Variants in ATP6V1E2 observed in about 807,000 individuals in gnomAD.
The protein encoded by ATP6V1E2 is V-type proton ATPase subunit E 2.
For synonymous variants in ATP6V1E2, 121 were observed against 104.2 expected (o/e 1.16, Z -0.98); for missense variants, 308 against 273.3 (o/e 1.13, Z -0.90).
intron 4 of ATP6V1E2, among the ~76,000 whole-genome samples, chr2:46,528,609 C>T (rs932761869): frequency 8.5e-5 from 13 of 152,218 alleles, no homozygotes; most frequent in Non-Finnish European, 8.8e-5. Context: ...TCTCCCTCTG[C>T]CTTGGAGGCT....
intron 4 of ATP6V1E2, among the ~76,000 whole-genome samples, chr2:46,529,194 A>G (rs1405514255): frequency 6.6e-6 from 1 of 152,236 alleles, no homozygotes; most frequent in East Asian, 1.9e-4. Flanking sequence ...GCCTTGAGTT[A>G]CACATTCAGA....
intron 4 of ATP6V1E2, among the ~76,000 whole-genome samples, chr2:46,526,146 A>C (rs746246256): frequency 6.6e-6 from 1 of 151,954 alleles, no homozygotes. Flanking sequence ...ACGGAGTTTC[A>C]CTCTTGTTGC....
At chr2:46,525,448 C>G (rs1170489497) in intron 4 of ATP6V1E2, among the ~76,000 whole-genome samples, 4 of 126,026 alleles carry the variant, frequency 3.2e-5, no homozygotes, top group Non-Finnish European at 4.7e-5. Flanking sequence ...GGCGACAGAA[C>G]GAGACTCCGT....
At chr2:46,517,976 T>C (rs561162314) in intron 4 of ATP6V1E2, among the ~76,000 whole-genome samples, 4 of 152,300 alleles carry the variant, frequency 2.6e-5, no homozygotes, top group Middle Eastern at 3.4e-3. Flanking sequence ...AAAAATGGAA[T>C]TACCATGTAA....
intron 4 of ATP6V1E2, chr2:46,528,167 C>G (rs746710749): frequency 6.6e-6 from 1 of 152,222 alleles, no homozygotes; most frequent in Non-Finnish European, 1.5e-5. Flanking sequence ...TGCACACACA[C>G]AAACATAATA....
intron 4 of ATP6V1E2, among the ~76,000 whole-genome samples, chr2:46,529,018 G>C (rs1667059058): frequency 6.6e-6 from 1 of 152,148 alleles, no homozygotes; most frequent in South Asian, 2.1e-4. Flanking sequence ...GCCCCAGGCA[G>C]CCTCCAGAGG....
chr2:46,513,683 G>C (rs965235327), intron 4 of ATP6V1E2, among the ~76,000 whole-genome samples: 14 of 152,056 alleles, frequency 9.2e-5, no homozygotes, highest in Non-Finnish European at 1.8e-4. Flanking sequence ...AAATTAGCCA[G>C]GCTTGGTGGC....
At chr2:46,527,424 T>A (rs533806939) in intron 4 of ATP6V1E2, among the ~76,000 whole-genome samples, 1 of 152,182 alleles carries the variant, frequency 6.6e-6, no homozygotes, top group African/African-American at 2.4e-5. Flanking sequence ...GGTTTCACCA[T>A]GTTAGCCAGG....
In ATP6V1E2 at chr2:46,530,003, GTA is replaced by G. The variant is rs1168496804; in HGVS notation, c.-102+5808_-102+5809del. Among the ~76,000 whole-genome samples the G allele has an allele frequency of 6.6e-6, 1 of 152,156 alleles. No homozygotes were observed. Among genetic ancestry groups the G allele is most frequent in the Admixed American group, 6.5e-5 (1 of 15,270 alleles). ...TTCGAACCAGAAAGAAATTATTTCA[GTA>G]TATTTATAACCTGTCCTGTTACATT... On this transcript the variant is annotated intron_variant, in intron 4 of 4. Coordinates refer to ENST00000522587, the MANE Select transcript of ATP6V1E2 (RefSeq NM_001318063.2). The surrounding 1 kb of genome is among the most constrained non-coding windows in gnomAD (Gnocchi z 5.2).
At chr2:46,533,860 TTTTTC>T (rs1187158768) in intron 4 of ATP6V1E2, among the ~76,000 whole-genome samples, 2 of 152,262 alleles carry the variant, frequency 1.3e-5, no homozygotes, top group South Asian at 2.1e-4. Context: ...CAGTGCTTTC[TTTTTC>T]TTTTATCACT....
At chr2:46,533,272 T>G (rs1667279366) in intron 4 of ATP6V1E2, among the ~76,000 whole-genome samples, 1 of 151,662 alleles carries the variant, frequency 6.6e-6, no homozygotes, top group South Asian at 2.1e-4. Context: ...TGGGGTTTTT[T>G]TGTTTTGTTT....
In ATP6V1E2 at chr2:46,525,828, G is replaced by A. The variant is rs545077897; in HGVS notation, c.-102+9985C>T. The stretch of plus-strand genomic sequence containing the variant: ...ACATCTGCAGACAGCTTACTTCAAA[G>A]CAGTCAGGTTCTCCCCAAGAGTCAT... On this transcript the variant is annotated intron_variant, in intron 4 of 4. Transcript: ENST00000522587. 3.3e-4 allele frequency among the ~76,000 whole-genome samples: 50 copies of A among 151,880 alleles called. 1 individual carries two copies. The highest frequency in any genetic ancestry group is 1.1e-3 in the African/African-American group (45 of 41,418).
At chr2:46,538,046 G>A (rs1431516976) in intron 2 of ATP6V1E2, among the ~76,000 whole-genome samples, 9 of 151,688 alleles carry the variant, frequency 5.9e-5, no homozygotes, top group East Asian at 3.9e-4. Flanking sequence ...GTTCTCTCTC[G>A]CCTCCTCTGT....
At position 46,512,526 on chromosome 2, in the gene ATP6V1E2, C is replaced by A; in HGVS notation, c.186G>T (p.Lys62Asn). ...KIMEYYEKKE[K>N]QIEQQKKILM... The stretch of plus-strand genomic sequence containing the variant: ...GGATTTTCTTCTGCTGCTCTATCTG[C>A]TTCTCCTTTTTCTCATAATACTCCA... The change falls in exon 5 of 5, where the codon AAG (lysine) becomes AAT (asparagine). Residue 62 changes from lysine to asparagine, a missense_variant. Coordinates refer to ENST00000522587, the MANE Select transcript of ATP6V1E2 (RefSeq NM_001318063.2). 6.2e-7 allele frequency: 1 copy of A among 1,614,204 alleles called. No individual in the cohort carries two copies. The highest frequency in any genetic ancestry group is 1.6e-4 in the Middle Eastern group (1 of 6,062).
chr2:46,515,851 C>A (rs918436796), intron 4 of ATP6V1E2, among the ~76,000 whole-genome samples: 1 of 151,970 alleles, frequency 6.6e-6, no homozygotes, highest in Non-Finnish European at 1.5e-5. Flanking sequence ...ATATTCCATG[C>A]AAAAGTAACA....
Position 46,536,920 on chromosome 2 carries a change from T to C in ATP6V1E2, c.-309-217A>G, listed in dbSNP as rs367588876. ...GCCTCAGCCTCCCGAGTAGCTGGGA[T>C]TACAGGCACCCGCCACCACGCCTGG... On this transcript the variant is annotated intron_variant, in intron 2 of 4. Transcript: ENST00000522587. Among the ~76,000 whole-genome samples the C allele has an allele frequency of 2.0e-5, 3 of 152,054 alleles. No homozygotes were observed. The East Asian group carries it at 5.8e-4, about 29-fold the overall frequency.
rs1225673128 is a variant in ATP6V1E2 at position 46,530,528 on chromosome 2, T to C, written c.-102+5285A>G. ...CCTGCACTCTCCTCAAGTGTTATTA[T>C]ATATGATATAATTATCAGTATGGCT... On this transcript the variant is annotated intron_variant, in intron 4 of 4. Transcript: ENST00000522587. The surrounding 1 kb of genome is among the most constrained non-coding windows in gnomAD (Gnocchi z 5.2). Among the ~76,000 whole-genome samples, 3 of 152,252 alleles carry C rather than the reference T, an allele frequency of 2.0e-5. No homozygotes were observed. The highest frequency in any genetic ancestry group is 2.9e-5 in the Non-Finnish European group (2 of 68,040).
intron 2 of ATP6V1E2, 149 bp from the exon 3 acceptor site, chr2:46,536,852 C>T (rs1389981557): frequency 6.6e-6 from 1 of 151,888 alleles, no homozygotes; most frequent in African/African-American, 2.4e-5. Flanking sequence ...GGCACCATCT[C>T]AGCTCATTGC....
At chr2:46,529,858 C>T (rs1021200125) in intron 4 of ATP6V1E2, among the ~76,000 whole-genome samples, 1 of 152,130 alleles carries the variant, frequency 6.6e-6, no homozygotes, top group Non-Finnish European at 1.5e-5. Context: ...AGACTCTCAA[C>T]AATCTTAGGA....
Sources: allele counts gnomAD v4.1 joint callset (sites outside exome capture counted in the v4.1 genomes callset), GRCh38; gene constraint gnomAD v4.1.1; non-coding constraint Gnocchi (gnomAD v3.1); transcripts MANE v1.5; gene names NCBI Gene and HGNC (gene_info 2026-07-23, HGNC 2026-07-21).